RNF6: variants seen among roughly 807,000 people sequenced by gnomAD.
The protein encoded by RNF6 is ring finger protein 6.
Under a neutral mutation model 50.1 loss-of-function variants are expected in RNF6, and 21 were observed. That is an observed-to-expected ratio of 0.42 (90% confidence interval 0.30 to 0.60). RNF6 has a LOEUF of 0.60. RNF6 is among the 20% of genes least tolerant of loss of function. RNF6 has a pLI of 0.20. For synonymous variants in RNF6, 255 were observed against 291.8 expected (o/e 0.87, Z 1.29); for missense variants, 698 against 838.2 (o/e 0.83, Z 2.07).
chr13:26,158,166 C>T (rs1027684398), intron 5 of RNF6, among the ~76,000 whole-genome samples: 1 of 152,132 alleles, frequency 6.6e-6, no homozygotes, highest in African/African-American at 2.4e-5. Context: ...CCTCAGCAAA[C>T]ATTAGAGTAC....
chr13:26,198,662 T>TA (rs962752070), intron 5 of RNF6, among the ~76,000 whole-genome samples: 19 of 151,640 alleles, frequency 1.3e-4, no homozygotes, highest in Admixed American at 2.6e-4. Flanking sequence ...GTTAAAAAGT[T>TA]AAAAAAAACC....
In RNF6 at chr13:26,169,609, C is replaced by G. The variant is rs147893704; in HGVS notation, n.769-37158G>C. Among the ~76,000 whole-genome samples the G allele has an allele frequency of 7.0e-4, 107 of 152,204 alleles. 1 individual carries two copies. Among genetic ancestry groups the G allele is most frequent in the African/African-American group, 2.5e-3 (105 of 41,504 alleles). The stretch of plus-strand genomic sequence containing the variant: ...ATAAATCTTCTTAAGAGTCTCTTGC[C>G]GGCCTTAAGACCCAGGAAATGTCTT... On this transcript the variant is annotated intron_variant and non_coding_transcript_variant, in intron 5 of 5. Transcript: ENST00000468480.
At chr13:26,217,334 A>G (rs1869989501) in intron 4 of RNF6, among the ~76,000 whole-genome samples, 1 of 152,254 alleles carries the variant, frequency 6.6e-6, no homozygotes, top group Admixed American at 6.5e-5. Flanking sequence ...TTTGATTAAC[A>G]TTTGATTAAG....
intron 5 of RNF6, among the ~76,000 whole-genome samples, chr13:26,158,913 T>C (rs1872073641): frequency 6.6e-6 from 1 of 152,216 alleles, no homozygotes; most frequent in South Asian, 2.1e-4. Flanking sequence ...AACTTGCGCA[T>C]AATTTATGAT....
exon 6 of RNF6, chr13:26,132,285 A>T (rs1453133249): frequency 6.0e-6 from 2 of 335,490 alleles, no homozygotes; most frequent in African/African-American, 2.2e-5. Context: ...TATGTTCCAT[A>T]AAAGAAAAAA....
chr13:26,155,768 G>A (rs964436850), intron 5 of RNF6, among the ~76,000 whole-genome samples: 7 of 152,188 alleles, frequency 4.6e-5, no homozygotes, highest in South Asian at 2.1e-4. Context: ...TGGCTCAGGC[G>A]TCATCTGTTT....
chr13:26,186,453 G>A (rs1873534842), intron 5 of RNF6, among the ~76,000 whole-genome samples: 1 of 152,232 alleles, frequency 6.6e-6, no homozygotes, highest in South Asian at 2.1e-4. Context: ...TGCGTGGCAC[G>A]TGGGCCCCGC....
intron 5 of RNF6, among the ~76,000 whole-genome samples, chr13:26,146,845 A>G (rs1238152609): frequency 6.6e-6 from 1 of 152,130 alleles, no homozygotes; most frequent in African/African-American, 2.4e-5. Context: ...CCAGTGTTGG[A>G]GGAGAGGCTT....
chr13:26,155,788 G>A (rs1206908598), intron 5 of RNF6, among the ~76,000 whole-genome samples: 4 of 152,198 alleles, frequency 2.6e-5, no homozygotes, highest in Non-Finnish European at 4.4e-5. Context: ...TCCATGGGTT[G>A]TATGGAAAAG....
intron 5 of RNF6, among the ~76,000 whole-genome samples, chr13:26,189,512 A>G (rs1566427501): frequency 6.6e-6 from 1 of 152,150 alleles, no homozygotes; most frequent in Non-Finnish European, 1.5e-5. Context: ...GAAATGGAAA[A>G]CTCCTAAAAC....
At chr13:26,186,477 A>G (rs534867878) in intron 5 of RNF6, among the ~76,000 whole-genome samples, 1 of 152,202 alleles carries the variant, frequency 6.6e-6, no homozygotes, top group African/African-American at 2.4e-5. Context: ...CAGTCGCGCT[A>G]CCGACTGGCA....
chr13:26,209,807 C>A (rs376366244), downstream of RNF6, among the ~76,000 whole-genome samples: 70 of 149,764 alleles, frequency 4.7e-4, no homozygotes, highest in African/African-American at 1.6e-3. Flanking sequence ...ATATACTGGG[C>A]AGCCAAGAAG....
chr13:26,134,045 G>T (rs1870523928), intron 5 of RNF6, among the ~76,000 whole-genome samples: 2 of 152,182 alleles, frequency 1.3e-5, no homozygotes, highest in South Asian at 4.1e-4. Flanking sequence ...GCAAGATGGG[G>T]GATAAAGTAC....
intron 5 of RNF6, among the ~76,000 whole-genome samples, chr13:26,173,704 A>T (rs1406150353): frequency 1.3e-5 from 2 of 151,566 alleles, no homozygotes; most frequent in African/African-American, 2.4e-5. Context: ...AAAAAAAAAA[A>T]GCATTTGGGA....
intron 5 of RNF6, among the ~76,000 whole-genome samples, chr13:26,205,784 C>T (rs972458200): frequency 6.6e-6 from 1 of 152,182 alleles, no homozygotes; most frequent in Non-Finnish European, 1.5e-5. Flanking sequence ...GAGGCCAAGG[C>T]AGGAGGATCG....
At position 26,214,536 on chromosome 13, in the gene RNF6, T is replaced by C. The variant is rs1394984479; in HGVS notation, c.1346A>G (p.Glu449Gly). ...GGFRRTISRL[E>G]RSGIRTYVST... ...AACATAGGTTCGAATACCTGACCGC[T>C]CTAAACGAGAAATGGTTCGGCGAAA... The change falls in exon 5 of 5, where the codon GAG becomes GGG. Residue 449 changes from glutamate (E) to glycine (G), a missense_variant. Physicochemically the swap from Glu to Gly is moderately conservative, Grantham distance 98. Coordinates refer to ENST00000381588, the MANE Select transcript of RNF6 (RefSeq NM_005977.4). 1.2e-6 allele frequency: 2 copies of C among 1,614,026 alleles called. No individual in the cohort carries two copies. Among genetic ancestry groups the C allele is most frequent in the East Asian group, 2.2e-5 (1 of 44,898 alleles).
At chr13:26,181,440 G>A (rs1873238719) in intron 5 of RNF6, among the ~76,000 whole-genome samples, 2 of 152,204 alleles carry the variant, frequency 1.3e-5, no homozygotes, top group Non-Finnish European at 2.9e-5. Context: ...GCAACAGCCT[G>A]TGAAACCGTG....
rs10467433 is a variant in RNF6 at position 26,206,264 on chromosome 13, A to G, written n.768+9210T>C. On this transcript the variant is annotated intron_variant and non_coding_transcript_variant, in intron 5 of 5. Transcript: ENST00000468480. ...GCAGAGGAAGTAGATGGATGCAGTG[A>G]GAGACAAGACAAAGAGCACACAGCC... 7.2e-3 allele frequency among the ~76,000 whole-genome samples: 1,063 copies of G among 146,988 alleles called. 9 individuals carry two copies. The highest frequency in any genetic ancestry group is 0.024 in the Middle Eastern group (7 of 290).
At chr13:26,181,016 C>T (rs1873210219) in intron 5 of RNF6, among the ~76,000 whole-genome samples, 1 of 152,192 alleles carries the variant, frequency 6.6e-6, no homozygotes, top group African/African-American at 2.4e-5. Context: ...TCTGTTTGTC[C>T]AGTCCTGAGG....
Sources: gnomAD v4.1 joint callset for allele counts (sites outside exome capture counted in the v4.1 genomes callset) on GRCh38, gnomAD v4.1.1 for gene constraint, MANE v1.5 for transcripts, NCBI Gene and HGNC (gene_info 2026-07-23, HGNC 2026-07-21) for gene names.